The following MICAL3 variants were observed in gnomAD, a reference collection of about 807,000 sequenced individuals.
The protein encoded by MICAL3 is microtubule associated monooxygenase, calponin and LIM domain containing 3, also known as [F-actin]-monooxygenase MICAL3.
A neutral mutation model predicts 207.4 loss-of-function variants in MICAL3; 62 were observed. That is an observed-to-expected ratio of 0.30 (90% confidence interval 0.24 to 0.37). The LOEUF is 0.37. Ranked by LOEUF, MICAL3 falls within the 10% of genes least tolerant of loss-of-function variation. The pLI, the probability that MICAL3 is intolerant of heterozygous loss-of-function variation, is 1.00. For synonymous variants in MICAL3, 1,077 were observed against 1,069.3 expected (o/e 1.01, Z -0.14); for missense variants, 2,368 against 2,635.6 (o/e 0.90, Z 2.22).
chr22:17,843,283 G>C (rs1327737009), intron 19 of MICAL3, among the ~76,000 whole-genome samples: 1 of 152,086 alleles, frequency 6.6e-6, no homozygotes. Flanking sequence ...CTTTAACATG[G>C]AACAGTTCTG....
intron 20 of MICAL3, among the ~76,000 whole-genome samples, chr22:17,834,097 G>C (rs1923101336): frequency 6.6e-6 from 1 of 152,188 alleles, no homozygotes; most frequent in Non-Finnish European, 1.5e-5. Context: ...GTCAGAAGTG[G>C]GGCAGTCTTG....
chr22:18,020,683 G>A (rs1031636456), intron 1 of MICAL3, among the ~76,000 whole-genome samples: 6 of 150,290 alleles, frequency 4.0e-5, no homozygotes, highest in African/African-American at 1.5e-4. Context: ...TTGGGAGGCT[G>A]AGGCAGGCAG....
rs144505368 is a variant in MICAL3, at chr22:17,930,756, G to A, written c.-74-23870C>T. Among the ~76,000 whole-genome samples the A allele has an allele frequency of 6.3e-3, 960 of 152,300 alleles. 5 individuals carry two copies. The highest frequency in any genetic ancestry group is 9.8e-3 in the Non-Finnish European group (667 of 68,024). ...TAGAGTCTGAGTTAGAATTGGCCAC[G>A]CCAGGAAGTTCCGTAAAGCTTGGAA... On this transcript the variant is annotated intron_variant, in intron 1 of 31. Transcript: ENST00000441493.
chr22:17,860,592 A>C (rs996255139), intron 19 of MICAL3: 1 of 985,416 alleles, frequency 1.0e-6, no homozygotes, highest in African/African-American at 1.7e-5. Context: ...AAAAGAGCTG[A>C]AGATGCACTA....
At chr22:18,007,964 G>T (rs1362232914) in intron 1 of MICAL3, among the ~76,000 whole-genome samples, 1 of 149,538 alleles carries the variant, frequency 6.7e-6, no homozygotes, top group Non-Finnish European at 1.5e-5. Context: ...TGATGGGCTG[G>T]GTACGGTGGT....
At chr22:17,830,415 A>C (rs142976023) in intron 21 of MICAL3, among the ~76,000 whole-genome samples, 139 of 152,360 alleles carry the variant, frequency 9.1e-4, no homozygotes, top group African/African-American at 3.1e-3. Flanking sequence ...AGTCCAGGAA[A>C]TTAAGTCTGC....
intron 20 of MICAL3, chr22:17,834,287 GAAT>G: frequency 1.8e-6 from 2 of 1,119,488 alleles, no homozygotes; most frequent in Non-Finnish European, 2.2e-6. Flanking sequence ...GTGGACAAAA[GAAT>G]ATACTGCAAG....
chr22:17,899,357 C>A lies in MICAL3; in HGVS notation c.948+91G>T, dbSNP rs937231115. 3 of 867,972 alleles carry A rather than the reference C, an allele frequency of 3.5e-6. No individual in the cohort carries two copies. In the African/African-American group the frequency reaches 5.0e-5, roughly 14 times the overall value. 53.8% of individuals were successfully genotyped at this position (867,972 alleles called of 1,614,324 possible). A position where few individuals can be genotyped will look rare whatever the true frequency, so the allele number is the denominator to read the frequency against. On this transcript the variant is annotated intron_variant, in intron 7 of 31. Coordinates refer to ENST00000441493, the MANE Select transcript of MICAL3 (RefSeq NM_015241.3). ...ATGCATTCAGTGCTCATTTTCATTC[C>A]CTTGCAGGAAAAACCCATCAGACAA...
chr22:17,830,067 C>A (rs1222626404), intron 21 of MICAL3, among the ~76,000 whole-genome samples: 1 of 152,146 alleles, frequency 6.6e-6, no homozygotes, highest in Non-Finnish European at 1.5e-5. Flanking sequence ...AAGTGGGTAC[C>A]TTTAAATGTC....
intron 16 of MICAL3, among the ~76,000 whole-genome samples, chr22:17,879,920 T>C (rs925801425): frequency 1.5e-4 from 23 of 152,136 alleles, no homozygotes; most frequent in African/African-American, 5.3e-4. Flanking sequence ...AGTGAATGTG[T>C]TTTTGGCGAA....
intron 1 of MICAL3, among the ~76,000 whole-genome samples, chr22:17,978,160 T>C (rs973051538): frequency 1.3e-5 from 2 of 152,194 alleles, no homozygotes; most frequent in Non-Finnish European, 2.9e-5. Flanking sequence ...AACTACTGAA[T>C]GGATAAAGAA....
intron 25 of MICAL3, among the ~76,000 whole-genome samples, chr22:17,820,828 A>G (rs1921505716): frequency 6.8e-6 from 1 of 147,674 alleles, no homozygotes; most frequent in African/African-American, 2.4e-5. Context: ...TATTTTTAAT[A>G]TATTATAAAT....
At chr22:17,964,801 T>TA (rs1935070245) in intron 1 of MICAL3, among the ~76,000 whole-genome samples, 1 of 152,136 alleles carries the variant, frequency 6.6e-6, no homozygotes, top group Non-Finnish European at 1.5e-5. Flanking sequence ...AGTTTTGTTT[T>TA]AAAAAACAAA....
In MICAL3 at chr22:18,017,732, C is replaced by T. The variant is rs577028979; in HGVS notation, c.-75+6549G>A. ...TCCCGAGTAGCTGGGATTACAGGTA[C>T]CCGCCACCACACCCGGCTAATTTTT... On this transcript the variant is annotated intron_variant, in intron 1 of 31. Transcript: ENST00000441493. Among the ~76,000 whole-genome samples the T allele has an allele frequency of 7.3e-5, 11 of 150,580 alleles. No homozygotes were observed. The South Asian group carries it at 1.5e-3, about 20-fold the overall frequency.
At chr22:17,884,266 T>G in intron 16 of MICAL3, 1 of 1,584,124 alleles carries the variant, frequency 6.3e-7, no homozygotes. Flanking sequence ...GCCCTGGCAG[T>G]TCCTTTACCT....
Position 17,791,427 on chromosome 22 carries a change from A to G in MICAL3, c.5651-126T>C, listed in dbSNP as rs927613783. On this transcript the variant is annotated intron_variant, in intron 29 of 31. Transcript: ENST00000441493. ...CTGCCGGAACTTCCACTCCCAAGCC[A>G]GGCCCAAGGTTTGCCTGCAGCCATG... 7.3e-6 allele frequency: 6 copies of G among 824,600 alleles called. No individual in the cohort carries two copies. In the African/African-American group the frequency reaches 1.0e-4, roughly 14 times the overall value. The allele number at this position is 824,600 out of a possible 1,614,324, so 51.1% of individuals were successfully genotyped here. A position where few individuals can be genotyped will look rare whatever the true frequency, so the allele number is the denominator to read the frequency against.
At position 17,887,012 on chromosome 22, in the gene MICAL3, A is replaced by G. The variant is rs556568453; in HGVS notation, c.2067+158T>C. Among the ~76,000 whole-genome samples, 789 of 148,034 alleles carry G rather than the reference A, an allele frequency of 5.3e-3. 12 individuals carry two copies. The highest frequency in any genetic ancestry group is 0.018 in the African/African-American group (732 of 39,854). On this transcript the variant is annotated intron_variant, in intron 15 of 31. Transcript: ENST00000441493. ...TCAAAAAAAAAAAAAAAAAAAAAAA[A>G]AAAAGAAAATAAAAAAAAGAAAAGA...
intron 19 of MICAL3, among the ~76,000 whole-genome samples, chr22:17,859,979 C>T (rs1194842704): frequency 6.6e-6 from 1 of 152,146 alleles, no homozygotes; most frequent in Admixed American, 6.5e-5. Flanking sequence ...TAACGGGAAG[C>T]TATGTCAGGT....
At chr22:17,897,387 C>T (rs745474913) in intron 7 of MICAL3, among the ~76,000 whole-genome samples, 1 of 132,320 alleles carries the variant, frequency 7.6e-6, no homozygotes, top group Non-Finnish European at 1.5e-5. Flanking sequence ...AGCACCACTG[C>T]ACTCCAGCCT....
Sources: allele counts gnomAD v4.1 joint callset (sites outside exome capture counted in the v4.1 genomes callset), GRCh38; gene constraint gnomAD v4.1.1; transcripts MANE v1.5; gene names NCBI Gene and HGNC (gene_info 2026-07-23, HGNC 2026-07-21).